The following ZFAND6 variants were observed in gnomAD, a reference collection of about 807,000 sequenced individuals.
The protein encoded by ZFAND6 is AN1-type zinc finger protein 6.
Under a neutral mutation model 24.5 loss-of-function variants are expected in ZFAND6, and 12 were observed. The observed-to-expected ratio is 0.49, with a 90% CI of 0.31 to 0.79. ZFAND6 has a LOEUF of 0.79. Among genes scored for constraint, ZFAND6 ranks in the 30% least tolerant of loss-of-function variants. The pLI is 0.04. For synonymous variants in ZFAND6, 92 were observed against 81.5 expected (o/e 1.13, Z -0.69); for missense variants, 207 against 245.9 (o/e 0.84, Z 1.06).
At chr15:80,078,614 A>C (rs2037433946) in intron 1 of ZFAND6, among the ~76,000 whole-genome samples, 1 of 152,154 alleles carries the variant, frequency 6.6e-6, no homozygotes, top group African/African-American at 2.4e-5. Flanking sequence ...GTTGTGTTTT[A>C]AGTTCTTTGG....
chr15:80,073,141 A>G (rs1426173861), intron 1 of ZFAND6: 2 of 169,504 alleles, frequency 1.2e-5, no homozygotes, highest in Admixed American at 1.2e-4. Flanking sequence ...ATTTTAATTT[A>G]ACAATATGTT....
intron 1 of ZFAND6, among the ~76,000 whole-genome samples, chr15:80,088,782 A>G (rs753081527): frequency 6.6e-6 from 1 of 152,160 alleles, no homozygotes; most frequent in African/African-American, 2.4e-5. Context: ...CTAATATGGT[A>G]GTTAGTAGTG....
At chr15:80,122,918 G>A in intron 5 of ZFAND6, 118 bp downstream of exon 5, 1 of 600,758 alleles carries the variant, frequency 1.7e-6, no homozygotes, top group Non-Finnish European at 2.8e-6. Flanking sequence ...TTTTCCCTAT[G>A]AACACAATAC....
chr15:80,128,010 G>A (rs780184368), intron 5 of ZFAND6, among the ~76,000 whole-genome samples: 7 of 152,138 alleles, frequency 4.6e-5, no homozygotes, highest in Non-Finnish European at 1.0e-4. Context: ...GTCACAAAGA[G>A]GAAGGAAATT....
intron 1 of ZFAND6, among the ~76,000 whole-genome samples, chr15:80,088,829 C>T (rs1470528446): frequency 2.0e-5 from 3 of 152,140 alleles, no homozygotes; most frequent in Non-Finnish European, 4.4e-5. Context: ...TCCTTAGTTG[C>T]ACTAGCTCCA....
At chr15:80,137,181 A>G (rs1198485434) in intron 6 of ZFAND6, among the ~76,000 whole-genome samples, 1 of 152,228 alleles carries the variant, frequency 6.6e-6, no homozygotes, top group East Asian at 1.9e-4. Flanking sequence ...GGATTTGAAA[A>G]ATGTTTTACA....
At chr15:80,060,892 G>C (rs967481855) in intron 1 of ZFAND6, among the ~76,000 whole-genome samples, 2 of 152,198 alleles carry the variant, frequency 1.3e-5, no homozygotes, top group Non-Finnish European at 2.9e-5. Context: ...CTGCACTCCA[G>C]CCTGGCGACA....
intron 2 of ZFAND6, among the ~76,000 whole-genome samples, chr15:80,104,879 C>A (rs556986283): frequency 6.6e-6 from 1 of 152,092 alleles, no homozygotes; most frequent in Non-Finnish European, 1.5e-5. Context: ...CTTTTGATAT[C>A]ATACAGCATG....
At chr15:80,112,541 GC>G (rs2039661865) in intron 2 of ZFAND6, among the ~76,000 whole-genome samples, 1 of 151,914 alleles carries the variant, frequency 6.6e-6, no homozygotes, top group South Asian at 2.1e-4. Flanking sequence ...GGGATTACAG[GC>G]ATGTGCCACC....
At chr15:80,067,121 G>A (rs1403031791) in intron 1 of ZFAND6, among the ~76,000 whole-genome samples, 1 of 152,176 alleles carries the variant, frequency 6.6e-6, no homozygotes, top group Admixed American at 6.5e-5. Context: ...AGATTAGAAT[G>A]ACTGGTGTTT....
At chr15:80,120,225 G>T in intron 2 of ZFAND6, 103 bp from the exon 3 acceptor site, 1 of 940,732 alleles carries the variant, frequency 1.1e-6, no homozygotes, top group Non-Finnish European at 1.5e-6. Context: ...AGAATAGTTT[G>T]ATATATGTGG....
At chr15:80,061,380 T>C (rs145357207) in intron 1 of ZFAND6, among the ~76,000 whole-genome samples, 4 of 152,268 alleles carry the variant, frequency 2.6e-5, no homozygotes, top group African/African-American at 9.6e-5. Flanking sequence ...CAAAATATAT[T>C]TAATACTACC....
intron 1 of ZFAND6, among the ~76,000 whole-genome samples, chr15:80,088,273 C>CT (rs1400663533): frequency 1.3e-5 from 2 of 152,056 alleles, no homozygotes; most frequent in Non-Finnish European, 2.9e-5. Context: ...CTTCTCTATT[C>CT]TTTAAGACTT....
intron 1 of ZFAND6, among the ~76,000 whole-genome samples, chr15:80,078,355 A>C (rs1226746583): frequency 1.3e-5 from 2 of 152,214 alleles, no homozygotes; most frequent in Non-Finnish European, 2.9e-5. Context: ...AATGGCCTCC[A>C]GCCCCATCCA....
intron 1 of ZFAND6, chr15:80,060,150 C>G (rs1009485069): frequency 3.9e-5 from 6 of 151,980 alleles, no homozygotes; most frequent in Non-Finnish European, 7.4e-5. Flanking sequence ...CCGCGACGCG[C>G]GCCGCCCCGA....
At chr15:80,082,559 G>A (rs2037739412) in intron 1 of ZFAND6, among the ~76,000 whole-genome samples, 1 of 152,192 alleles carries the variant, frequency 6.6e-6, no homozygotes, top group Non-Finnish European at 1.5e-5. Flanking sequence ...TGTTTTTGAA[G>A]TTCTGTGGTA....
At chr15:80,059,511 G>A (rs1246932470), upstream of ZFAND6, 2 of 152,156 alleles carry the variant, frequency 1.3e-5, no homozygotes, top group African/African-American at 4.8e-5. Flanking sequence ...CGTGCGCTCC[G>A]AGCCTTGACC....
At chr15:80,091,160 G>GGTGTGTGT (rs61706731) in intron 1 of ZFAND6, among the ~76,000 whole-genome samples, 47,600 of 150,046 alleles carry the variant, frequency 0.32, 8,276 homozygotes, top group Admixed American at 0.41. Context: ...GTTGTTAAGG[G>GGTGTGTGT]GTGTGTGTGT....
chr15:80,110,862 G>A (rs1044747560), intron 2 of ZFAND6, among the ~76,000 whole-genome samples: 1 of 152,174 alleles, frequency 6.6e-6, no homozygotes, highest in East Asian at 1.9e-4. Flanking sequence ...AGATCTAAAA[G>A]TGAAAGGCTT....
Sources: gnomAD v4.1 joint callset for allele counts (sites outside exome capture counted in the v4.1 genomes callset) on GRCh38, gnomAD v4.1.1 for gene constraint, MANE v1.5 for transcripts, NCBI Gene and HGNC (gene_info 2026-07-23, HGNC 2026-07-21) for gene names.